The following NCALD variants were observed in gnomAD, a reference collection of about 807,000 sequenced individuals.
NCALD encodes neurocalcin-delta.
A neutral mutation model predicts 18.6 loss-of-function variants in NCALD; 10 were observed. The ratio of observed to expected loss-of-function variants is 0.54; its 90% CI spans 0.33 to 0.91. The LOEUF is 0.91. Ranked by LOEUF, NCALD falls within the 40% of genes least tolerant of loss-of-function variation. The probability of loss-of-function intolerance (pLI) is 0.03; values close to 1 mark genes in which losing one functional copy is unlikely to be tolerated. For missense variants in NCALD, 184 were observed against 247.6 expected (o/e 0.74, Z 1.72); for synonymous variants, 88 against 87.4 (o/e 1.01, Z -0.04).
At chr8:101,700,864 T>C (rs561239241) in intron 2 of NCALD, among the ~76,000 whole-genome samples, 9 of 152,292 alleles carry the variant, frequency 5.9e-5, no homozygotes, top group African/African-American at 1.7e-4. Flanking sequence ...AAGTCCCCGA[T>C]GTGAACATAT....
At chr8:101,971,044 G>T (rs1820221239) in intron 2 of NCALD, among the ~76,000 whole-genome samples, 1 of 152,160 alleles carries the variant, frequency 6.6e-6, no homozygotes. Flanking sequence ...CTGCCTTTCT[G>T]CTTCTGCCAT....
chr8:101,703,002 AG>A (rs1563671644), intron 2 of NCALD, among the ~76,000 whole-genome samples: 1 of 152,256 alleles, frequency 6.6e-6, no homozygotes, highest in African/African-American at 2.4e-5. Flanking sequence ...TATTTAACCC[AG>A]GTTTTCTCAA....
At chr8:101,691,207 T>C (rs1253468982) in intron 3 of NCALD, 2 of 985,298 alleles carry the variant, frequency 2.0e-6, no homozygotes, top group African/African-American at 3.5e-5. Context: ...CTCTGACAGC[T>C]GTGAACTTAC....
intron 1 of NCALD, among the ~76,000 whole-genome samples, chr8:101,754,127 C>T (rs1810775579): frequency 6.6e-6 from 1 of 152,142 alleles, no homozygotes. Flanking sequence ...CCACTCTCTG[C>T]TTTCACCTGC....
intron 2 of NCALD, among the ~76,000 whole-genome samples, chr8:101,972,229 G>A (rs550405824): frequency 6.6e-6 from 1 of 152,310 alleles, no homozygotes; most frequent in Admixed American, 6.5e-5. Context: ...CAGGACTTCT[G>A]GAAAAGCAGT....
At chr8:101,842,166 CTTCTT>C (rs1455412694) in intron 4 of NCALD, among the ~76,000 whole-genome samples, 3 of 152,118 alleles carry the variant, frequency 2.0e-5, no homozygotes, top group South Asian at 2.1e-4. Flanking sequence ...CAAATTTCCT[CTTCTT>C]TTAAGGATAC....
intron 2 of NCALD, among the ~76,000 whole-genome samples, chr8:101,988,902 G>GAAAAAAAAAAAAAAAAAAAAA (rs35196499): frequency 1.5e-5 from 1 of 66,102 alleles, no homozygotes; most frequent in Non-Finnish European, 2.8e-5. Context: ...GGTGCCAGCA[G>GAAAAAAAAAAAAAAAAAAAAA]AAAAAAAAAA....
intron 1 of NCALD, among the ~76,000 whole-genome samples, chr8:102,084,137 A>G (rs753053312): frequency 1.4e-4 from 21 of 152,080 alleles, no homozygotes; most frequent in African/African-American, 4.8e-4. Flanking sequence ...CCCTGGCCTC[A>G]TTTTTCATTT....
At chr8:102,005,305 T>C (rs1355973611) in intron 2 of NCALD, among the ~76,000 whole-genome samples, 5 of 152,116 alleles carry the variant, frequency 3.3e-5, no homozygotes, top group African/African-American at 1.2e-4. Flanking sequence ...ATCAGAGAAA[T>C]GCAAATCAAA....
intron 1 of NCALD, among the ~76,000 whole-genome samples, chr8:101,762,833 A>C (rs1292530800): frequency 6.6e-6 from 1 of 152,140 alleles, no homozygotes; most frequent in East Asian, 1.9e-4. Context: ...TGGCCTCCCA[A>C]AGTGCTGGGA....
chr8:102,032,622 TAAAAAAAAAAA>T (rs59283854), intron 1 of NCALD, among the ~76,000 whole-genome samples: 1 of 104,988 alleles, frequency 9.5e-6, no homozygotes, highest in African/African-American at 3.6e-5. Flanking sequence ...GAAAAACTGC[TAAAAAAAAAAA>T]AAAAAAAAAG....
intron 3 of NCALD, among the ~76,000 whole-genome samples, chr8:101,892,223 G>C (rs540683377): frequency 6.8e-6 from 1 of 148,052 alleles, no homozygotes; most frequent in Admixed American, 6.7e-5. Flanking sequence ...CCGAGCAGCC[G>C]AACTGGGAGG....
At chr8:101,871,790 T>C in intron 4 of NCALD, 1 of 310,898 alleles carries the variant, frequency 3.2e-6, no homozygotes, top group Non-Finnish European at 5.9e-6. Flanking sequence ...TCCAGACAAT[T>C]TGTCACAAGA....
intron 4 of NCALD, among the ~76,000 whole-genome samples, chr8:101,880,479 C>T (rs1316089572): frequency 6.6e-6 from 1 of 152,224 alleles, no homozygotes; most frequent in African/African-American, 2.4e-5. Context: ...GACTGAAGGG[C>T]TCCTGGAGCA....
rs559074155 is a variant in NCALD, at chr8:101,778,334, C to A, written c.-20+12528G>T. ...AATATGATTGGGCCAGTCAACCCAG[C>A]CCTTCATTTATAAATATGATTGGGC... On this transcript the variant is annotated intron_variant, in intron 1 of 3. Transcript: ENST00000220931. 2.3e-4 allele frequency among the ~76,000 whole-genome samples: 35 copies of A among 152,178 alleles called. 1 individual carries two copies. The highest frequency in any genetic ancestry group is 8.4e-4 in the African/African-American group (35 of 41,514).
At chr8:101,909,995 T>C (rs1286076222) in intron 3 of NCALD, among the ~76,000 whole-genome samples, 1 of 152,140 alleles carries the variant, frequency 6.6e-6, no homozygotes, top group Non-Finnish European at 1.5e-5. Flanking sequence ...AATTTCACCA[T>C]TGGGAGTGCA....
At chr8:101,761,322 C>T (rs1811099758) in intron 1 of NCALD, among the ~76,000 whole-genome samples, 1 of 152,156 alleles carries the variant, frequency 6.6e-6, no homozygotes, top group Non-Finnish European at 1.5e-5. Context: ...AACATGAAGC[C>T]ATTTAGTCAA....
intron 2 of NCALD, among the ~76,000 whole-genome samples, chr8:101,990,114 T>C (rs1447486406): frequency 6.6e-6 from 1 of 152,324 alleles, no homozygotes; most frequent in Non-Finnish European, 1.5e-5. Flanking sequence ...ACATAACATC[T>C]TAACACCATT....
chr8:101,847,941 G>C (rs1226647918), intron 4 of NCALD, among the ~76,000 whole-genome samples: 1 of 152,158 alleles, frequency 6.6e-6, no homozygotes, highest in African/African-American at 2.4e-5. Flanking sequence ...CCCTTGAAAA[G>C]AAGATGCTGG....
Sources: gnomAD v4.1 joint callset for allele counts (sites outside exome capture counted in the v4.1 genomes callset) on GRCh38, gnomAD v4.1.1 for gene constraint, MANE v1.5 for transcripts, NCBI Gene and HGNC (gene_info 2026-07-23, HGNC 2026-07-21) for gene names.